The following GALNT13 variants were observed in gnomAD, a reference collection of about 807,000 sequenced individuals.
GALNT13 encodes the protein UDP-GalNAc:polypeptide N-acetylgalactosaminyltransferase 13.
GALNT13 carries 28 observed loss-of-function variants against 64.2 expected under a neutral mutation model. The observed-to-expected ratio is 0.44, with a 90% CI of 0.32 to 0.60. GALNT13 has a LOEUF of 0.60. GALNT13 is among the 20% of genes least tolerant of loss of function. The pLI is 0.05. For missense variants in GALNT13, 577 were observed against 669.8 expected, an observed-to-expected ratio of 0.86 and a Z score of 1.53; for synonymous variants, 214 against 224.6, an observed-to-expected ratio of 0.95 and a Z score of 0.42.
the GALNT13 span, among the ~76,000 whole-genome samples, chr2:153,178,979 G>C: frequency 1.3e-5 from 2 of 151,776 alleles, no homozygotes; most frequent in Non-Finnish European, 2.9e-5. Context: ...CTGACCTCAG[G>C]TGATCCATGC....
intron 9 of GALNT13, among the ~76,000 whole-genome samples, chr2:154,372,329 G>A (rs928165213): frequency 5.7e-5 from 6 of 105,576 alleles, no homozygotes; most frequent in African/African-American, 1.8e-4. Context: ...TCAGCATATG[G>A]AAGAATCCTC....
intron 4 of GALNT13, among the ~76,000 whole-genome samples, chr2:154,197,814 A>G (rs2105771783): frequency 6.6e-6 from 1 of 152,178 alleles, no homozygotes; most frequent in Admixed American, 6.5e-5. Flanking sequence ...TTAATCCAGA[A>G]CATACAAAGT....
At chr2:153,735,262 A>G in the GALNT13 span, among the ~76,000 whole-genome samples, 6 of 151,656 alleles carry the variant, frequency 4.0e-5, no homozygotes, top group African/African-American at 7.3e-5. Flanking sequence ...AGGGCTTACT[A>G]TTTTGTTTTT....
intron 3 of GALNT13, among the ~76,000 whole-genome samples, chr2:154,130,334 C>G (rs570307522): frequency 6.6e-6 from 1 of 152,058 alleles, no homozygotes; most frequent in Non-Finnish European, 1.5e-5. Context: ...GTCAGCAACC[C>G]GAAGCAGAGA....
chr2:153,887,383 A>C (rs67175297), intron 1 of GALNT13, among the ~76,000 whole-genome samples: 24,130 of 150,342 alleles, frequency 0.16, 2,338 homozygotes, highest in East Asian at 0.26. Flanking sequence ...AATAAAATCT[A>C]AGACCTGGAA....
the GALNT13 span, among the ~76,000 whole-genome samples, chr2:153,188,302 G>A: frequency 6.8e-6 from 1 of 148,148 alleles, no homozygotes; most frequent in African/African-American, 2.5e-5. Flanking sequence ...TTTTAATATA[G>A]AAATGATGGA....
At chr2:153,226,635 T>C in the GALNT13 span, among the ~76,000 whole-genome samples, 1 of 152,314 alleles carries the variant, frequency 6.6e-6, no homozygotes, top group Middle Eastern at 3.4e-3. Flanking sequence ...ACCTTACCAG[T>C]ACTTTTCAAA....
chr2:153,252,520 G>T, the GALNT13 span, among the ~76,000 whole-genome samples: 2 of 150,640 alleles, frequency 1.3e-5, no homozygotes, highest in African/African-American at 4.9e-5. Flanking sequence ...CATTGCTTTT[G>T]GTGTTTTGGA....
chr2:153,688,627 T>A, the GALNT13 span, among the ~76,000 whole-genome samples: 1 of 151,980 alleles, frequency 6.6e-6, no homozygotes, highest in African/African-American at 2.4e-5. Flanking sequence ...GGTCTAAAAT[T>A]CTAAAATTCT....
chr2:153,719,317 T>A, the GALNT13 span, among the ~76,000 whole-genome samples: 1 of 152,326 alleles, frequency 6.6e-6, no homozygotes, highest in East Asian at 1.9e-4. Flanking sequence ...AAATTGTATG[T>A]TCAACTTACA....
chr2:154,329,044 A>G (rs1402347081), intron 9 of GALNT13, among the ~76,000 whole-genome samples: 1 of 152,022 alleles, frequency 6.6e-6, no homozygotes, highest in Non-Finnish European at 1.5e-5. Flanking sequence ...ACTTTGTACT[A>G]CTACTTTGTT....
the GALNT13 span, among the ~76,000 whole-genome samples, chr2:153,619,549 C>A: frequency 6.6e-6 from 1 of 151,958 alleles, no homozygotes; most frequent in Non-Finnish European, 1.5e-5. Context: ...CATTAATTTC[C>A]TTTTCTTTCT....
chr2:153,664,688 A>G, the GALNT13 span, among the ~76,000 whole-genome samples: 1 of 152,212 alleles, frequency 6.6e-6, no homozygotes, highest in Non-Finnish European at 1.5e-5. Flanking sequence ...AAGAAATTAT[A>G]AAAGTATTAA....
chr2:154,131,777 A>T (rs747659852), intron 3 of GALNT13, among the ~76,000 whole-genome samples: 1 of 152,210 alleles, frequency 6.6e-6, no homozygotes, highest in Non-Finnish European at 1.5e-5. Context: ...GTGAAGTCCC[A>T]CAATAGGCTG....
chr2:154,372,113 C>T (rs1253518762), intron 9 of GALNT13, among the ~76,000 whole-genome samples: 1 of 151,982 alleles, frequency 6.6e-6, no homozygotes. Flanking sequence ...TTTGAAGATT[C>T]TAAAGCTTAA....
the GALNT13 span, among the ~76,000 whole-genome samples, chr2:153,570,361 G>A: frequency 6.6e-6 from 1 of 152,108 alleles, no homozygotes; most frequent in South Asian, 2.1e-4. Flanking sequence ...CTTGTCAGAT[G>A]GATGGTTTGT....
chr2:153,539,342 T>C, the GALNT13 span, among the ~76,000 whole-genome samples: 3 of 152,170 alleles, frequency 2.0e-5, no homozygotes, highest in African/African-American at 7.2e-5. Flanking sequence ...TTCTGTAGGT[T>C]GCCTGTTCAC....
At chr2:153,306,806 C>T in the GALNT13 span, among the ~76,000 whole-genome samples, 18 of 152,090 alleles carry the variant, frequency 1.2e-4, no homozygotes, top group African/African-American at 2.9e-4. Context: ...CAGGCTAGAG[C>T]GCAGTGGCGT....
chr2:153,606,190 T>C, the GALNT13 span, among the ~76,000 whole-genome samples: 3 of 152,118 alleles, frequency 2.0e-5, no homozygotes, highest in Admixed American at 6.6e-5. Flanking sequence ...TGTATATATA[T>C]CTATTTGTAT....
Sources: gnomAD v4.1 joint callset for allele counts (sites outside exome capture counted in the v4.1 genomes callset) on GRCh38, gnomAD v4.1.1 for gene constraint, MANE v1.5 for transcripts, NCBI Gene and HGNC (gene_info 2026-07-23, HGNC 2026-07-21) for gene names.